TRPM3: variants seen among roughly 807,000 people sequenced by gnomAD.
The protein encoded by TRPM3 is transient receptor potential cation channel subfamily M member 3.
TRPM3 carries 77 observed loss-of-function variants against 181.2 expected under a neutral mutation model. The observed-to-expected ratio is 0.42, with a 90% confidence interval of 0.35 to 0.51. The LOEUF (loss-of-function observed/expected upper bound fraction) is 0.51, where lower values mean the gene tolerates loss of function less well. Ranked by LOEUF, TRPM3 falls within the 20% of genes least tolerant of loss-of-function variation. The probability of loss-of-function intolerance (pLI) is 0.01; values close to 1 mark genes in which losing one functional copy is unlikely to be tolerated. For synonymous variants in TRPM3, 745 were observed against 796.4 expected, an observed-to-expected ratio of 0.94 and a Z score of 1.09; for missense variants, 1,759 against 2,196.7, an observed-to-expected ratio of 0.80 and a Z score of 3.98.
chr9:70,627,633 G>A (rs1043416539), intron 12 of TRPM3, among the ~76,000 whole-genome samples: 2 of 152,106 alleles, frequency 1.3e-5, no homozygotes, highest in African/African-American at 4.8e-5. Context: ...ATCCCACTGT[G>A]TTCTACCTCT....
intron 22 of TRPM3, among the ~76,000 whole-genome samples, chr9:70,583,575 C>T (rs919590926): frequency 2.6e-5 from 4 of 152,112 alleles, no homozygotes; most frequent in African/African-American, 9.7e-5. Context: ...TGGAATATTC[C>T]AAGGTTATAT....
rs553680621 is a variant in TRPM3, at chr9:71,019,630, A to C, written c.177+101548T>G. ...ACTAGATTCATGGATTGGAATATTG[A>C]TATTGTAATGATGCCAAATCTCTGC... On this transcript the variant is annotated intron_variant, in intron 1 of 25. Transcript: ENST00000677713. Among the ~76,000 whole-genome samples the C allele has an allele frequency of 9.7e-4, 147 of 152,256 alleles. 1 individual carries two copies. The highest frequency in any genetic ancestry group is 3.3e-3 in the African/African-American group (138 of 41,570).
intron 1 of TRPM3, among the ~76,000 whole-genome samples, chr9:71,355,866 A>C (rs7043520): frequency 0.45 from 68,436 of 151,858 alleles, 15,571 homozygotes; most frequent in South Asian, 0.52. Flanking sequence ...ATTAAATTAT[A>C]TCCCTTAAAA....
chr9:71,253,299 A>G (rs1565387559), intron 1 of TRPM3, among the ~76,000 whole-genome samples: 1 of 152,164 alleles, frequency 6.6e-6, no homozygotes, highest in Non-Finnish European at 1.5e-5. Flanking sequence ...TAAGGAAGAA[A>G]CCATGCATTA....
intron 1 of TRPM3, among the ~76,000 whole-genome samples, chr9:71,155,148 A>G (rs1475261439): frequency 1.3e-5 from 2 of 152,214 alleles, no homozygotes; most frequent in Non-Finnish European, 2.9e-5. Context: ...TCTCTTCCCA[A>G]TCACCTAGAA....
At chr9:70,804,531 G>A (rs945857738) in intron 6 of TRPM3, among the ~76,000 whole-genome samples, 2 of 152,058 alleles carry the variant, frequency 1.3e-5, no homozygotes, top group African/African-American at 2.4e-5. Context: ...AAACTTACAA[G>A]GGTTAAAGAA....
At chr9:71,189,524 ATC>A (rs2077881929) in intron 1 of TRPM3, among the ~76,000 whole-genome samples, 1 of 151,728 alleles carries the variant, frequency 6.6e-6, no homozygotes. Flanking sequence ...TGCTGAAACT[ATC>A]TCAGCTTTTG....
At chr9:71,253,361 G>C (rs1004136482) in intron 1 of TRPM3, among the ~76,000 whole-genome samples, 2 of 152,034 alleles carry the variant, frequency 1.3e-5, no homozygotes, top group African/African-American at 4.8e-5. Flanking sequence ...GGGGACATTT[G>C]GCAATATTTA....
chr9:70,824,616 C>CG (rs2093429595), intron 6 of TRPM3: 1 of 151,814 alleles, frequency 6.6e-6, no homozygotes, highest in Admixed American at 6.6e-5. Flanking sequence ...TTAGTAGAGA[C>CG]GGGGTTTCAC....
intron 1 of TRPM3, among the ~76,000 whole-genome samples, chr9:71,190,937 C>G (rs2077982845): frequency 6.6e-6 from 1 of 151,888 alleles, no homozygotes; most frequent in Non-Finnish European, 1.5e-5. Flanking sequence ...TTCTGTTTCA[C>G]TAGACATAAG....
chr9:71,430,144 A>G (rs2093933372), intron 1 of TRPM3, among the ~76,000 whole-genome samples: 1 of 152,252 alleles, frequency 6.6e-6, no homozygotes, highest in Non-Finnish European at 1.5e-5. Flanking sequence ...GGCCTTCATT[A>G]GAATATAAGC....
intron 8 of TRPM3, among the ~76,000 whole-genome samples, chr9:70,684,833 G>T (rs1049353154): frequency 1.3e-5 from 2 of 152,162 alleles, no homozygotes; most frequent in African/African-American, 2.4e-5. Flanking sequence ...TGTGAGTGAG[G>T]TTGGTACCTG....
intron 9 of TRPM3, among the ~76,000 whole-genome samples, chr9:70,654,340 G>T (rs1053231084): frequency 6.6e-6 from 1 of 152,042 alleles, no homozygotes; most frequent in Non-Finnish European, 1.5e-5. Flanking sequence ...TGTCTGGTGC[G>T]TTGACCTCCC....
chr9:70,917,026 T>C, intron 1 of TRPM3: 1 of 1,575,700 alleles, frequency 6.3e-7, no homozygotes, highest in South Asian at 1.1e-5. Context: ...GGTGAGTGGG[T>C]ATAGAGACTG....
At chr9:70,537,828 C>T (rs925168919) in intron 25 of TRPM3, among the ~76,000 whole-genome samples, 12 of 151,988 alleles carry the variant, frequency 7.9e-5, no homozygotes, top group Non-Finnish European at 1.8e-4. Flanking sequence ...TTCTCAGGGT[C>T]CCCCACAAAA....
At chr9:70,963,610 G>A (rs1337022) in intron 1 of TRPM3, among the ~76,000 whole-genome samples, 5 of 151,894 alleles carry the variant, frequency 3.3e-5, no homozygotes, top group African/African-American at 1.2e-4. Context: ...TGCGCTTTTT[G>A]CAAGTGTGCT....
intron 1 of TRPM3, among the ~76,000 whole-genome samples, chr9:71,405,498 C>T (rs941425076): frequency 2.0e-5 from 3 of 152,118 alleles, no homozygotes; most frequent in Admixed American, 1.3e-4. Flanking sequence ...AAATTTGATT[C>T]ATACACATGA....
chr9:71,376,216 T>C (rs773198342), intron 1 of TRPM3, among the ~76,000 whole-genome samples: 1 of 151,986 alleles, frequency 6.6e-6, no homozygotes, highest in African/African-American at 2.4e-5. Context: ...CCATTTCTTC[T>C]AAGAAATGGA....
chr9:70,750,116 G>T (rs905913975), intron 8 of TRPM3, among the ~76,000 whole-genome samples: 1 of 152,184 alleles, frequency 6.6e-6, no homozygotes, highest in Non-Finnish European at 1.5e-5. Flanking sequence ...CTACTAGGCT[G>T]TACTGTAAGA....
Sources: allele counts gnomAD v4.1 joint callset (sites outside exome capture counted in the v4.1 genomes callset), GRCh38; gene constraint gnomAD v4.1.1; transcripts MANE v1.5; gene names NCBI Gene and HGNC (gene_info 2026-07-23, HGNC 2026-07-21).